The following ITGA4 variants were observed in gnomAD, a reference collection of about 807,000 sequenced individuals.
The protein encoded by ITGA4 is integrin alpha-4.
In ITGA4, 63 loss-of-function variants were observed where a neutral mutation model predicts 133.6. That is an observed-to-expected ratio of 0.47 (90% CI 0.38 to 0.58). The LOEUF (loss-of-function observed/expected upper bound fraction) is 0.58, where lower values mean the gene tolerates loss of function less well. Ranked by LOEUF, ITGA4 falls within the 20% of genes least tolerant of loss-of-function variation. The pLI, the probability that ITGA4 is intolerant of heterozygous loss-of-function variation, is 0.00. For synonymous variants in ITGA4, 483 were observed against 438.0 expected (o/e 1.10, Z -1.28); for missense variants, 1,076 against 1,252.7 (o/e 0.86, Z 2.13).
chr2:181,459,822 T>A (rs771918659), intron 2 of ITGA4, among the ~76,000 whole-genome samples: 45 of 152,360 alleles, frequency 3.0e-4, no homozygotes, highest in Admixed American at 1.4e-3. Context: ...CTGTCATAGT[T>A]TCCTGATCCA....
intron 2 of ITGA4, among the ~76,000 whole-genome samples, chr2:181,468,586 G>A (rs1363417406): frequency 4.6e-5 from 7 of 152,210 alleles, no homozygotes; most frequent in Non-Finnish European, 8.8e-5. Flanking sequence ...TTGGAGCAAT[G>A]ACACTAAAAC....
chr2:181,480,091 T>G, intron 5 of ITGA4, 46 bp from the exon 6 acceptor site: 1 of 1,419,434 alleles, frequency 7.0e-7, no homozygotes, highest in African/African-American at 1.5e-5. Context: ...AGGTTTGGGG[T>G]GGTGAGATTA....
At chr2:181,509,135 TAAAAAAAAAAAAAAAAAAAA>T (rs57180154) in intron 15 of ITGA4, among the ~76,000 whole-genome samples, 13,628 of 44,294 alleles carry the variant, frequency 0.31, 922 homozygotes, top group South Asian at 0.4. Flanking sequence ...TCCCATCTCT[TAAAAAAAAAAAAAAAAAAAA>T]AAAAAAAAAA....
chr2:181,532,384 T>A (rs1686962807), intron 25 of ITGA4, among the ~76,000 whole-genome samples: 1 of 152,226 alleles, frequency 6.6e-6, no homozygotes, highest in Admixed American at 6.5e-5. Flanking sequence ...TTCCTATCCA[T>A]GAGCATAGAA....
chr2:181,474,977 C>A lies in ITGA4; in HGVS notation c.337C>A (p.Pro113Thr), dbSNP rs201604237. ...QLQLGSPNGE[P>T]CGKTCLEERD... Reference sequence around the variant, plus strand: ...TGCTATAGGTAGCCCTAATGGAGAACCTTGTGGAAAGACTTGTTTGGAAGA... The same window carrying A: ...TGCTATAGGTAGCCCTAATGGAGAAACTTGTGGAAAGACTTGTTTGGAAGA... Residue 113 changes from proline (P) to threonine (T), a missense_variant, in exon 3 of 28, where the codon CCT (proline) becomes ACT (threonine). By Grantham distance (38) the Pro-to-Thr change is conservative (BLOSUM62 -1). Transcript: ENST00000397033. The A allele has an allele frequency of 6.2e-7, 1 of 1,613,672 alleles. No homozygotes were observed. The highest frequency in any genetic ancestry group is 8.5e-7 in the Non-Finnish European group (1 of 1,179,674).
At chr2:181,498,524 T>C (rs1005852959) in intron 14 of ITGA4, 99 bp from the exon 15 acceptor site, 1 of 588,294 alleles carries the variant, frequency 1.7e-6, no homozygotes, top group African/African-American at 1.9e-5. Flanking sequence ...CCAGATATTA[T>C]TTCCAGTAGT....
intron 9 of ITGA4, among the ~76,000 whole-genome samples, chr2:181,485,202 T>C (rs1685887358): frequency 6.6e-6 from 1 of 152,154 alleles, no homozygotes; most frequent in Admixed American, 6.6e-5. Context: ...AAGAGTAAAT[T>C]TTCCTCGACA....
Position 181,479,980 on chromosome 2 carries a change from C to CT in ITGA4, c.625-146dup, listed in dbSNP as rs530484523. Among the ~76,000 whole-genome samples, 1,389 of 146,196 alleles carry CT rather than the reference C, an allele frequency of 9.5e-3. 15 individuals are homozygous for CT. The highest frequency in any genetic ancestry group is 0.03 in the African/African-American group (1,194 of 40,320). On this transcript the variant is annotated intron_variant, in intron 5 of 27. Coordinates refer to ENST00000397033, the MANE Select transcript of ITGA4 (RefSeq NM_000885.6). ...GAAATCCATTAGCCAACTTCTCTGG[C>CT]TTTTTTTTTTTCCTAGTATGTTTTA...
chr2:181,529,320 C>A (rs920636872), intron 22 of ITGA4, among the ~76,000 whole-genome samples: 2 of 152,136 alleles, frequency 1.3e-5, no homozygotes, highest in Non-Finnish European at 1.5e-5. Context: ...AATACCAAAA[C>A]TAGAAGGTTA....
intron 15 of ITGA4, among the ~76,000 whole-genome samples, chr2:181,502,727 G>A (rs1198891387): frequency 6.6e-6 from 1 of 152,076 alleles, no homozygotes; most frequent in Non-Finnish European, 1.5e-5. Flanking sequence ...GAATGGGAGA[G>A]TAACAAAATA....
intron 22 of ITGA4, among the ~76,000 whole-genome samples, chr2:181,529,079 C>T (rs1686889062): frequency 2.6e-5 from 4 of 152,222 alleles, no homozygotes; most frequent in Non-Finnish European, 4.4e-5. Context: ...TTTAGAATTA[C>T]AATACCTGAG....
chr2:181,474,160 G>A (rs1417509028), intron 2 of ITGA4, among the ~76,000 whole-genome samples: 2 of 151,920 alleles, frequency 1.3e-5, no homozygotes, highest in African/African-American at 4.8e-5. Context: ...ACTTAACATG[G>A]GATTTTAATA....
chr2:181,458,599 C>G (rs1685191958), intron 2 of ITGA4: 1 of 419,448 alleles, frequency 2.4e-6, no homozygotes, highest in South Asian at 2.6e-5. Context: ...CCCCGTCTCT[C>G]CGTGTGTAAA....
chr2:181,457,791 GC>G lies in ITGA4; in HGVS notation c.142del (p.His48ThrfsTer21), dbSNP rs773618186. Reference sequence around the variant, plus strand: ...ACTGAGAGCGCGCTGCTTTACCAGGGCCCCCACAACACGCTGTTCGGCTACT... The same window carrying G: ...ACTGAGAGCGCGCTGCTTTACCAGGGCCCCACAACACGCTGTTCGGCTACT... Reference protein sequence around the residue: ...VDTESALLYQGPHNTLFGYSV... With the variant: ...VDTESALLYQXPHNTLFGYSV... On this transcript the variant is annotated frameshift_variant, in exon 1 of 28. Transcript: ENST00000397033. LOFTEE classifies it high-confidence loss of function. The G allele has an allele frequency of 1.2e-6, 2 of 1,613,572 alleles. No homozygotes were observed.
rs773383933 is a variant in ITGA4 at position 181,478,763 on chromosome 2, T to G, written c.563T>G (p.Val188Gly). The G allele has an allele frequency of 7.1e-7, 1 of 1,412,284 alleles. No individual in the cohort carries two copies. Among genetic ancestry groups the G allele is most frequent in the Non-Finnish European group, 9.6e-7 (1 of 1,037,054 alleles). The allele number at this position is 1,412,284 out of a possible 1,614,324, so 87.5% of individuals were successfully genotyped here. The change falls in exon 5 of 28, where the codon GTG becomes GGG. Residue 188 changes from valine to glycine, a missense_variant. By Grantham distance (109) the Val-to-Gly change is moderately radical (BLOSUM62 -3). This residue lies in a region of ITGA4 where 436 missense variants were observed against 590.7 expected (regional missense o/e 0.74). Coordinates refer to ENST00000397033, the MANE Select transcript of ITGA4 (RefSeq NM_000885.6). ...KRIAPCYQDY[V>G]KKFGENFASC... ...TTTTAATATTTCATTTTAGATTATG[T>G]GAAAAAATTTGGAGAAAATTTTGCA...
chr2:181,473,416 T>C (rs542144908), intron 2 of ITGA4, among the ~76,000 whole-genome samples: 1 of 152,142 alleles, frequency 6.6e-6, no homozygotes, highest in Non-Finnish European at 1.5e-5. Context: ...TGGAAAAAAT[T>C]GTCTTCACGA....
In ITGA4 at chr2:181,536,657, G is replaced by GAGAC; in HGVS notation, c.*1131_*1134dup. 5.5e-6 allele frequency: 1 copy of GAGAC among 182,084 alleles called. No homozygotes were observed. 11.3% of individuals were successfully genotyped at this position (182,084 alleles called of 1,614,324 possible). ...CAATTTGTATACAGTGAATATAAAT[G>GAGAC]AGACGACAGCAAAATTTTCATGAAA... On this transcript the variant is annotated 3_prime_UTR_variant, in exon 28 of 28. Transcript: ENST00000397033.
chr2:181,529,644 T>C lies in ITGA4; in HGVS notation c.2534T>C (p.Val845Ala). Residue 845 changes from valine (V) to alanine (A), a missense_variant, in exon 23 of 28, where the codon GTC (valine) becomes GCC (alanine). Physicochemically the swap from Val to Ala is moderately conservative, Grantham distance 64 (BLOSUM62 0). Transcript: ENST00000397033. ...QTDKLFNILDVQTTTGECHFE... is the reference protein window; with the variant it reads ...QTDKLFNILDAQTTTGECHFE... ...GATAAGCTGTTCAACATTTTGGATG[T>C]CCAGGTAAAAATGTATTTCTTCCAT... is the stretch of plus-strand genomic sequence containing the variant. 1.3e-6 allele frequency: 2 copies of C among 1,529,492 alleles called. No individual in the cohort carries two copies. The highest frequency in any genetic ancestry group is 1.8e-6 in the Non-Finnish European group (2 of 1,105,076). The allele number at this position is 1,529,492 out of a possible 1,614,324, so 94.7% of individuals were successfully genotyped here.
chr2:181,537,043 A>G lies in ITGA4; in HGVS notation c.*1516A>G. On this transcript the variant is annotated 3_prime_UTR_variant, in exon 28 of 28. Transcript: ENST00000397033. ...GTTCTGAGATTTGCGAAGGCATTTG[A>G]GTAGTGAAATGTAAGCACAAAACCT... 1 of 444,932 alleles carries G rather than the reference A, an allele frequency of 2.2e-6. No individual in the cohort carries two copies. 27.6% of individuals were successfully genotyped at this position (444,932 alleles called of 1,614,324 possible).
Sources: gnomAD v4.1 joint callset for allele counts (sites outside exome capture counted in the v4.1 genomes callset) on GRCh38, gnomAD v4.1.1 for gene constraint, gnomAD v4.1.1 regional missense constraint, MANE v1.5 for transcripts, NCBI Gene and HGNC (gene_info 2026-07-23, HGNC 2026-07-21) for gene names.